Variants in ATP8B4 observed in about 807,000 individuals in gnomAD.
ATP8B4 encodes probable phospholipid-transporting ATPase IM.
In ATP8B4, 133 loss-of-function variants were observed where a neutral mutation model predicts 145.6. The ratio of observed to expected loss-of-function variants is 0.91; its 90% CI spans 0.79 to 1.05. ATP8B4 has a LOEUF of 1.05. Among genes scored for constraint, ATP8B4 ranks in the 50% least tolerant of loss-of-function variants. The pLI is 0.00. For missense variants in ATP8B4, 1,458 were observed against 1,425.2 expected, an observed-to-expected ratio of 1.02 and a Z score of -0.37; for synonymous variants, 507 against 492.9, an observed-to-expected ratio of 1.03 and a Z score of -0.38.
At chr15:49,901,906 C>A (rs2153433376) in intron 20 of ATP8B4, 1 of 365,098 alleles carries the variant, frequency 2.7e-6, no homozygotes, top group African/African-American at 2.2e-5. Flanking sequence ...AGGGTTGTTC[C>A]AAATGGAAAC....
chr15:49,994,402 C>A (rs544280132), intron 9 of ATP8B4, among the ~76,000 whole-genome samples: 165 of 152,136 alleles, frequency 1.1e-3, no homozygotes, highest in African/African-American at 4.0e-3. Flanking sequence ...GTCTTCCTCT[C>A]GGCCCCCCAA....
At chr15:50,181,268 G>A (rs574747198) in intron 1 of ATP8B4, among the ~76,000 whole-genome samples, 1 of 152,184 alleles carries the variant, frequency 6.6e-6, no homozygotes, top group Non-Finnish European at 1.5e-5. Flanking sequence ...CTTAGATCCT[G>A]ACCCTCCTCA....
intron 14 of ATP8B4, among the ~76,000 whole-genome samples, chr15:49,960,855 G>A (rs560819770): frequency 9.9e-5 from 15 of 152,284 alleles, no homozygotes; most frequent in South Asian, 2.1e-4. Flanking sequence ...ACCAGAGGCC[G>A]GGCGCAGTGG....
chr15:49,981,719 C>A (rs1422199874), intron 10 of ATP8B4, among the ~76,000 whole-genome samples: 3 of 152,146 alleles, frequency 2.0e-5, no homozygotes, highest in Non-Finnish European at 2.9e-5. Flanking sequence ...AATTCTAGAT[C>A]TGTTTCCCAA....
intron 1 of ATP8B4, among the ~76,000 whole-genome samples, chr15:50,162,374 G>A (rs369590726): frequency 4.6e-5 from 7 of 151,154 alleles, no homozygotes; most frequent in African/African-American, 7.3e-5. Flanking sequence ...CCCCAAATAC[G>A]GAAATTTTTC....
chr15:50,107,483 G>A (rs1219044185), intron 1 of ATP8B4, among the ~76,000 whole-genome samples: 3 of 152,074 alleles, frequency 2.0e-5, no homozygotes, highest in Non-Finnish European at 4.4e-5. Flanking sequence ...TCTCATGAAC[G>A]TAGTCTTCTC....
intron 10 of ATP8B4, among the ~76,000 whole-genome samples, chr15:49,985,385 C>G (rs117336217): frequency 6.6e-6 from 1 of 152,136 alleles, no homozygotes; most frequent in African/African-American, 2.4e-5. Context: ...CGTGAGCCAC[C>G]GCGCCCAGCA....
chr15:50,154,902 G>GT (rs1025294881), intron 1 of ATP8B4, among the ~76,000 whole-genome samples: 1 of 151,822 alleles, frequency 6.6e-6, no homozygotes, highest in Non-Finnish European at 1.5e-5. Context: ...ACAGCAATTT[G>GT]TTTAAGTTTT....
At chr15:49,939,533 T>C (rs1226274497) in intron 14 of ATP8B4, among the ~76,000 whole-genome samples, 2 of 152,014 alleles carry the variant, frequency 1.3e-5, no homozygotes, top group African/African-American at 2.4e-5. Context: ...AAACACACAA[T>C]ATCCCAAGAT....
At chr15:50,179,897 A>G (rs2044818955) in intron 1 of ATP8B4, among the ~76,000 whole-genome samples, 1 of 152,216 alleles carries the variant, frequency 6.6e-6, no homozygotes, top group Non-Finnish European at 1.5e-5. Flanking sequence ...AGACTAAGAC[A>G]TCTATTAACC....
chr15:49,928,442 CAA>C lies in ATP8B4; in HGVS notation c.1642+2675_1642+2676del, dbSNP rs1360772108. 3.9e-5 allele frequency among the ~76,000 whole-genome samples: 6 copies of C among 151,948 alleles called. No individual in the cohort carries two copies. In the East Asian group the frequency reaches 1.2e-3, roughly 29 times the overall value. ...AGGGATGGTGAGGTCTAGTTGAGCTCAAAGTTTTGGAAAGTAGAAGAAAAGTA... is the reference window on the plus strand; with the variant it reads ...AGGGATGGTGAGGTCTAGTTGAGCTCAGTTTTGGAAAGTAGAAGAAAAGTA... On this transcript the variant is annotated intron_variant, in intron 16 of 27. Transcript: ENST00000284509.
intron 1 of ATP8B4, among the ~76,000 whole-genome samples, chr15:50,129,734 G>C (rs1432459550): frequency 6.6e-6 from 1 of 152,084 alleles, no homozygotes; most frequent in Non-Finnish European, 1.5e-5. Context: ...TGGTAGACTA[G>C]GTCAAGAGAT....
Position 49,860,387 on chromosome 15 carries a change from C to G in ATP8B4, c.3386G>C (p.Gly1129Ala), listed in dbSNP as rs1235322175. Residue 1129 changes from glycine to alanine, a missense_variant, in exon 28 of 28, where the codon GGA becomes GCA. By Grantham distance (60) the Gly-to-Ala change is moderately conservative (BLOSUM62 0). Transcript: ENST00000284509. The stretch of plus-strand genomic sequence containing the variant: ...GCCTTCTTGGTGAGCAAAAGCATAT[C>G]CAGACCTTCTTGAGCTTGACCTGCG... ...RTRRSSSRRS[G>A]YAFAHQEGYG... 8 of 1,613,964 alleles carry G rather than the reference C, an allele frequency of 5.0e-6. No individual in the cohort carries two copies. The highest frequency in any genetic ancestry group is 1.3e-5 in the African/African-American group (1 of 74,910).
At chr15:50,144,711 A>C (rs772526094) in intron 1 of ATP8B4, among the ~76,000 whole-genome samples, 2 of 152,166 alleles carry the variant, frequency 1.3e-5, no homozygotes, top group Non-Finnish European at 2.9e-5. Context: ...ATCATGAAAG[A>C]ATAACCTAAT....
At chr15:49,937,765 C>T (rs2041851777) in intron 14 of ATP8B4, among the ~76,000 whole-genome samples, 1 of 152,156 alleles carries the variant, frequency 6.6e-6, no homozygotes, top group Non-Finnish European at 1.5e-5. Context: ...ACTGAACACA[C>T]ATATTGTCCA....
intron 20 of ATP8B4, among the ~76,000 whole-genome samples, chr15:49,910,876 C>T (rs1471140314): frequency 6.6e-6 from 1 of 152,018 alleles, no homozygotes; most frequent in African/African-American, 2.4e-5. Context: ...TTCAACACTA[C>T]TAGAAAAGCC....
In ATP8B4 at chr15:49,860,238, C is replaced by G; in HGVS notation, c.3535G>C (p.Asp1179His). ...WIENLCKKTT[D>H]TVSSFSQDKT... ...TCCTGGCTAAAGCTGCTCACGGTGT[C>G]TGTGGTTTTCTTACATAAATTTTCA... Residue 1179 changes from aspartate to histidine, a missense_variant, in exon 28 of 28, where the codon GAC becomes CAC. By Grantham distance (81) the Asp-to-His change is moderately conservative. Transcript: ENST00000284509. 2 of 1,614,100 alleles carry G rather than the reference C, an allele frequency of 1.2e-6. No individual in the cohort carries two copies. Among genetic ancestry groups the G allele is most frequent in the Non-Finnish European group, 1.7e-6 (2 of 1,179,976 alleles).
At chr15:50,167,842 A>G (rs1369306526) in intron 1 of ATP8B4, among the ~76,000 whole-genome samples, 1 of 152,234 alleles carries the variant, frequency 6.6e-6, no homozygotes, top group East Asian at 1.9e-4. Context: ...TGTACATAGT[A>G]TACTTTAAAT....
chr15:49,906,483 C>G (rs1320261523), intron 20 of ATP8B4, among the ~76,000 whole-genome samples: 1 of 152,156 alleles, frequency 6.6e-6, no homozygotes, highest in East Asian at 1.9e-4. Context: ...TCAATCGCTC[C>G]TTTTCCCACT....
Sources: gnomAD v4.1 joint callset for allele counts (sites outside exome capture counted in the v4.1 genomes callset) on GRCh38, gnomAD v4.1.1 for gene constraint, MANE v1.5 for transcripts, NCBI Gene and HGNC (gene_info 2026-07-23, HGNC 2026-07-21) for gene names.